Variants in SHISA9 observed in about 807,000 individuals in gnomAD.
SHISA9 encodes shisa family member 9.
SHISA9 carries 13 observed loss-of-function variants against 38.0 expected under a neutral mutation model. That is an observed-to-expected ratio of 0.34 (90% confidence interval 0.22 to 0.54). The LOEUF is 0.54. SHISA9 is among the 20% of genes least tolerant of loss of function. The pLI, the probability that SHISA9 is intolerant of heterozygous loss-of-function variation, is 0.91. For missense variants in SHISA9, 538 were observed against 575.8 expected (o/e 0.93, Z 0.67); for synonymous variants, 275 against 242.0 (o/e 1.14, Z -1.27).
the SHISA9 span, among the ~76,000 whole-genome samples, chr16:13,316,625 C>T: frequency 6.6e-5 from 10 of 152,068 alleles, no homozygotes; most frequent in Non-Finnish European, 1.2e-4. Flanking sequence ...GTTTCATGTA[C>T]CACTAAGAAA....
the SHISA9 span, among the ~76,000 whole-genome samples, chr16:13,460,648 G>T: frequency 2.6e-5 from 4 of 152,308 alleles, no homozygotes; most frequent in East Asian, 7.7e-4. Context: ...GGATATGATA[G>T]AGCTTATCAG....
the SHISA9 span, among the ~76,000 whole-genome samples, chr16:13,517,622 C>G: frequency 6.6e-6 from 1 of 152,166 alleles, no homozygotes; most frequent in Non-Finnish European, 1.5e-5. Context: ...GTTTTCTCCC[C>G]TTCTCCTTAT....
At chr16:13,315,401 C>A in the SHISA9 span, among the ~76,000 whole-genome samples, 1 of 152,172 alleles carries the variant, frequency 6.6e-6, no homozygotes, top group South Asian at 2.1e-4. Flanking sequence ...CTACAGTACC[C>A]AATCTTTAGT....
the SHISA9 span, among the ~76,000 whole-genome samples, chr16:13,384,574 T>C: frequency 6.6e-6 from 1 of 152,226 alleles, no homozygotes; most frequent in Non-Finnish European, 1.5e-5. Flanking sequence ...AATGGTACTC[T>C]GGACCTCAGG....
chr16:12,911,873 T>C (rs1017950668), intron 1 of SHISA9, among the ~76,000 whole-genome samples: 1 of 152,268 alleles, frequency 6.6e-6, no homozygotes, highest in African/African-American at 2.4e-5. Context: ...AAGTCAAAAG[T>C]ATTAGGTCGG....
intron 2 of SHISA9, among the ~76,000 whole-genome samples, chr16:12,979,501 G>A (rs2072212262): frequency 6.6e-6 from 1 of 152,110 alleles, no homozygotes; most frequent in African/African-American, 2.4e-5. Context: ...TGACAATAAT[G>A]TGCTTCTAAC....
the SHISA9 span, among the ~76,000 whole-genome samples, chr16:13,273,701 G>A: frequency 6.6e-6 from 1 of 152,120 alleles, no homozygotes; most frequent in African/African-American, 2.4e-5. Context: ...TGTTAAATGG[G>A]AATGCCTATT....
At chr16:13,375,538 T>C in the SHISA9 span, among the ~76,000 whole-genome samples, 1 of 152,202 alleles carries the variant, frequency 6.6e-6, no homozygotes, top group Non-Finnish European at 1.5e-5. Flanking sequence ...TATATCTCTG[T>C]TTTGGTACCA....
chr16:13,273,314 G>C, the SHISA9 span, among the ~76,000 whole-genome samples: 1 of 152,096 alleles, frequency 6.6e-6, no homozygotes, highest in Non-Finnish European at 1.5e-5. Context: ...CCCCTGATAT[G>C]GTTTGGCTGT....
At chr16:13,369,105 C>T in the SHISA9 span, among the ~76,000 whole-genome samples, 1 of 152,060 alleles carries the variant, frequency 6.6e-6, no homozygotes, top group African/African-American at 2.4e-5. Context: ...CTTAAAATGT[C>T]AAATTTAAAA....
chr16:13,181,827 T>G (rs1394791901), intron 2 of SHISA9, among the ~76,000 whole-genome samples: 1 of 152,176 alleles, frequency 6.6e-6, no homozygotes, highest in African/African-American at 2.4e-5. Context: ...GTCACAACCT[T>G]TAAAATACCC....
At chr16:13,151,256 G>A (rs922246931) in intron 2 of SHISA9, among the ~76,000 whole-genome samples, 7 of 152,004 alleles carry the variant, frequency 4.6e-5, no homozygotes, top group East Asian at 1.9e-4. Flanking sequence ...TCAGGCGCCC[G>A]CCACCACACC....
chr16:13,398,808 G>A, the SHISA9 span, among the ~76,000 whole-genome samples: 16,526 of 151,934 alleles, frequency 0.11, 996 homozygotes, highest in Middle Eastern at 0.17. Flanking sequence ...CACCACTCCC[G>A]GCCTTATTCA....
At chr16:13,268,505 G>A in the SHISA9 span, among the ~76,000 whole-genome samples, 1 of 149,432 alleles carries the variant, frequency 6.7e-6, no homozygotes, top group Non-Finnish European at 1.5e-5. Context: ...GCAAAACTCG[G>A]TCTCAGAAAA....
intron 2 of SHISA9, among the ~76,000 whole-genome samples, chr16:13,107,048 T>C (rs1438287847): frequency 6.6e-6 from 1 of 152,104 alleles, no homozygotes; most frequent in Non-Finnish European, 1.5e-5. Context: ...ATGAGTTAAA[T>C]TTTTATTCGA....
At chr16:12,943,157 G>T (rs1439485043) in intron 2 of SHISA9, among the ~76,000 whole-genome samples, 3 of 152,064 alleles carry the variant, frequency 2.0e-5, no homozygotes, top group Admixed American at 2.0e-4. Context: ...TCACTGTGAC[G>T]AGGGGAGGTG....
intron 2 of SHISA9, among the ~76,000 whole-genome samples, chr16:12,975,662 G>GGGGGGGGAGGGGGGGGC (rs1555451392): frequency 7.0e-6 from 1 of 142,248 alleles, no homozygotes; most frequent in African/African-American, 2.7e-5. Flanking sequence ...GGGGCGGGGG[G>GGGGGGGGAGGGGGGGGC]GGTAAGGGCA....
At chr16:13,025,952 T>A (rs1567186566) in intron 2 of SHISA9, among the ~76,000 whole-genome samples, 2 of 152,086 alleles carry the variant, frequency 1.3e-5, no homozygotes, top group East Asian at 3.9e-4. Context: ...ATTACAGGCA[T>A]GCACCACCAT....
chr16:13,057,946 C>T (rs999722576), intron 2 of SHISA9, among the ~76,000 whole-genome samples: 16 of 152,164 alleles, frequency 1.1e-4, no homozygotes, highest in Non-Finnish European at 1.2e-4. Context: ...ATAATGGCTT[C>T]AAGCTCCATC....
Sources: gnomAD v4.1 joint callset for allele counts (sites outside exome capture counted in the v4.1 genomes callset) on GRCh38, gnomAD v4.1.1 for gene constraint, MANE v1.5 for transcripts, NCBI Gene and HGNC (gene_info 2026-07-23, HGNC 2026-07-21) for gene names.